CFAP77: variants seen among roughly 807,000 people sequenced by gnomAD.
CFAP77 encodes the protein cilia- and flagella-associated protein 77.
Under a neutral mutation model 31.1 loss-of-function variants are expected in CFAP77, and 25 were observed. That is an observed-to-expected ratio of 0.80 (90% CI 0.59 to 1.12). The LOEUF is 1.12. Ranked by LOEUF, CFAP77 falls within the 50% of genes most tolerant of loss-of-function variation. The pLI is 0.00. For synonymous variants in CFAP77, 151 were observed against 159.9 expected, an observed-to-expected ratio of 0.94 and a Z score of 0.42; for missense variants, 377 against 397.3, an observed-to-expected ratio of 0.95 and a Z score of 0.44.
At chr9:132,411,357 G>A (rs911413361) in intron 1 of CFAP77, among the ~76,000 whole-genome samples, 34 of 152,366 alleles carry the variant, frequency 2.2e-4, no homozygotes, top group Middle Eastern at 6.8e-3. Context: ...GCCAGGCGCT[G>A]AGTAGAGCCC....
chr9:132,496,197 C>T (rs1029954862), intron 1 of CFAP77, among the ~76,000 whole-genome samples: 1 of 149,860 alleles, frequency 6.7e-6, no homozygotes, highest in Non-Finnish European at 1.5e-5. Flanking sequence ...AATATAAAGT[C>T]TATTTTTTTA....
intron 3 of CFAP77, among the ~76,000 whole-genome samples, chr9:132,512,225 T>C (rs1852053143): frequency 6.6e-6 from 1 of 152,204 alleles, no homozygotes; most frequent in Non-Finnish European, 1.5e-5. Context: ...CAGCCACTGC[T>C]GCCTCAAACT....
intron 1 of CFAP77, among the ~76,000 whole-genome samples, chr9:132,441,065 C>T (rs1007944814): frequency 6.6e-6 from 1 of 152,158 alleles, no homozygotes; most frequent in Admixed American, 6.5e-5. Flanking sequence ...TCTTTTCCTC[C>T]TTATTCCCTT....
At position 132,427,936 on chromosome 9, in the gene CFAP77, A is replaced by C. The variant is rs370525405; in HGVS notation, c.195+17470A>C. Reference sequence around the variant, plus strand: ...CAGCGTATGAATTTTGAAGAGACGGAGTTCAACCTCTAACATTCTCCATTG... The same window carrying C: ...CAGCGTATGAATTTTGAAGAGACGGCGTTCAACCTCTAACATTCTCCATTG... On this transcript the variant is annotated intron_variant, in intron 1 of 5. Coordinates refer to ENST00000393216, the MANE Select transcript of CFAP77 (RefSeq NM_001282957.2). Among the ~76,000 whole-genome samples, 6 of 152,242 alleles carry C rather than the reference A, an allele frequency of 3.9e-5. No homozygotes were observed. The East Asian group carries it at 1.2e-3, about 29-fold the overall frequency.
At chr9:132,502,710 T>C (rs970116194) in intron 3 of CFAP77, among the ~76,000 whole-genome samples, 2 of 152,238 alleles carry the variant, frequency 1.3e-5, no homozygotes, top group African/African-American at 4.8e-5. Context: ...CATCCGCTGA[T>C]GTGCATTTAA....
intron 5 of CFAP77, among the ~76,000 whole-genome samples, chr9:132,562,690 T>TTTTTG (rs1829830800): frequency 2.0e-5 from 3 of 152,034 alleles, no homozygotes. Flanking sequence ...GTTGTTGTTG[T>TTTTTG]TTTTGTTTTA....
intron 3 of CFAP77, among the ~76,000 whole-genome samples, chr9:132,502,379 T>C (rs377698288): frequency 9.6e-4 from 146 of 152,200 alleles, no homozygotes; most frequent in Middle Eastern, 6.8e-3. Context: ...TTTTTAAGTA[T>C]ACAATTCAGT....
chr9:132,545,242 C>T lies in CFAP77; in HGVS notation c.732+2195C>T, dbSNP rs1852713358. ...AACCAGGAATGATGGCCTCCTGTGC[C>T]ATGCCAGGCACTGTGTGAGGTCATG... On this transcript the variant is annotated intron_variant, in intron 5 of 5. Coordinates refer to ENST00000393216, the MANE Select transcript of CFAP77 (RefSeq NM_001282957.2). The surrounding 1 kb of genome is among the most constrained non-coding windows in gnomAD (Gnocchi z 4.6). Among the ~76,000 whole-genome samples the T allele has an allele frequency of 6.6e-6, 1 of 152,210 alleles. No individual in the cohort carries two copies.
intron 3 of CFAP77, among the ~76,000 whole-genome samples, chr9:132,515,547 T>C (rs1285493928): frequency 2.0e-5 from 3 of 152,228 alleles, no homozygotes; most frequent in Non-Finnish European, 2.9e-5. Flanking sequence ...TCCCTAAAAG[T>C]GTCTTGGGCC....
At chr9:132,563,180 T>G (rs1484015647) in intron 5 of CFAP77, among the ~76,000 whole-genome samples, 1 of 151,784 alleles carries the variant, frequency 6.6e-6, no homozygotes, top group Non-Finnish European at 1.5e-5. Flanking sequence ...AACCATGCCC[T>G]GCTAAAATTT....
intron 3 of CFAP77, among the ~76,000 whole-genome samples, chr9:132,535,060 G>A (rs930991941): frequency 6.6e-6 from 1 of 152,198 alleles, no homozygotes; most frequent in African/African-American, 2.4e-5. Context: ...CACTAGGGGT[G>A]CTCACTGCTA....
chr9:132,412,556 AT>A (rs1459202570), intron 1 of CFAP77, among the ~76,000 whole-genome samples: 1 of 151,588 alleles, frequency 6.6e-6, no homozygotes, highest in Non-Finnish European at 1.5e-5. Context: ...CTTTTTGCAA[AT>A]GAGCACACTG....
chr9:132,492,162 C>T (rs1188100529), intron 1 of CFAP77, among the ~76,000 whole-genome samples: 1 of 152,122 alleles, frequency 6.6e-6, no homozygotes, highest in Non-Finnish European at 1.5e-5. Flanking sequence ...GTGATGCGGG[C>T]CTGTAGTTCT....
intron 1 of CFAP77, among the ~76,000 whole-genome samples, chr9:132,453,172 A>T (rs1301109880): frequency 1.3e-5 from 2 of 152,140 alleles, no homozygotes; most frequent in Non-Finnish European, 2.9e-5. Context: ...CTTCTGTAAA[A>T]GGAGGGGAGT....
chr9:132,463,497 C>A (rs1419060204), intron 1 of CFAP77, among the ~76,000 whole-genome samples: 1 of 152,122 alleles, frequency 6.6e-6, no homozygotes, highest in African/African-American at 2.4e-5. Context: ...CCTGGGCCAC[C>A]CCCACCTGGA....
chr9:132,550,016 A>G (rs79772037), intron 5 of CFAP77, among the ~76,000 whole-genome samples: 3,576 of 152,294 alleles, frequency 0.023, 58 homozygotes, highest in Middle Eastern at 0.085. Flanking sequence ...GGAGGTGTTC[A>G]TGTATGTGGG....
At chr9:132,518,894 TA>T (rs1377624316) in intron 3 of CFAP77, among the ~76,000 whole-genome samples, 8 of 152,260 alleles carry the variant, frequency 5.3e-5, no homozygotes, top group Admixed American at 5.2e-4. Context: ...GCAGCGTGGC[TA>T]CCCCCACAGG....
chr9:132,443,939 T>A (rs1850661983), intron 1 of CFAP77, among the ~76,000 whole-genome samples: 1 of 152,230 alleles, frequency 6.6e-6, no homozygotes, highest in Non-Finnish European at 1.5e-5. Context: ...CCCATTTTAT[T>A]CAATCAACCG....
intron 1 of CFAP77, among the ~76,000 whole-genome samples, chr9:132,428,333 G>T (rs1157222710): frequency 6.6e-6 from 1 of 151,926 alleles, no homozygotes; most frequent in Middle Eastern, 3.4e-3. Flanking sequence ...CTTAATAACT[G>T]CAAGGAGCCG....
Sources: gnomAD v4.1 joint callset for allele counts (sites outside exome capture counted in the v4.1 genomes callset) on GRCh38, gnomAD v4.1.1 for gene constraint, Gnocchi (gnomAD v3.1) non-coding constraint, MANE v1.5 for transcripts, NCBI Gene and HGNC (gene_info 2026-07-23, HGNC 2026-07-21) for gene names.